CNTNAP2: variants seen among roughly 807,000 people sequenced by gnomAD.
CNTNAP2 encodes the protein contactin associated protein 2.
In CNTNAP2, 98 loss-of-function variants were observed where a neutral mutation model predicts 155.2. That is an observed-to-expected ratio of 0.63 (90% CI 0.54 to 0.75). The LOEUF (loss-of-function observed/expected upper bound fraction) is 0.75, where lower values mean the gene tolerates loss of function less well. Among genes scored for constraint, CNTNAP2 ranks in the 30% least tolerant of loss-of-function variants. The pLI is 0.00. For missense variants in CNTNAP2, 1,727 were observed against 1,688.1 expected (o/e 1.02, Z -0.40); for synonymous variants, 651 against 631.2 (o/e 1.03, Z -0.47).
intron 1 of CNTNAP2, among the ~76,000 whole-genome samples, chr7:146,700,117 C>T (rs1800850360): frequency 6.6e-6 from 1 of 152,102 alleles, no homozygotes; most frequent in Admixed American, 6.6e-5. Flanking sequence ...AAGAGTGTAG[C>T]CCCTTCCAAG....
intron 10 of CNTNAP2, among the ~76,000 whole-genome samples, chr7:147,439,037 C>G (rs182771901): frequency 2.0e-5 from 3 of 152,056 alleles, no homozygotes; most frequent in Admixed American, 2.0e-4. Flanking sequence ...AAAAAACCAA[C>G]TTTTTATTTC....
intron 8 of CNTNAP2, among the ~76,000 whole-genome samples, chr7:147,279,928 G>A (rs905828728): frequency 3.3e-5 from 5 of 151,794 alleles, no homozygotes; most frequent in Non-Finnish European, 7.4e-5. Flanking sequence ...ATAGGTGGAC[G>A]GCCTAAATAA....
At chr7:146,167,952 T>C (rs1584783685) in intron 1 of CNTNAP2, among the ~76,000 whole-genome samples, 1 of 152,140 alleles carries the variant, frequency 6.6e-6, no homozygotes, top group African/African-American at 2.4e-5. Context: ...CCACTGGTGT[T>C]TCAGTCCAAG....
chr7:147,786,563 G>C (rs1400131886), intron 13 of CNTNAP2, among the ~76,000 whole-genome samples: 1 of 152,198 alleles, frequency 6.6e-6, no homozygotes, highest in Non-Finnish European at 1.5e-5. Context: ...CCTTTGAAAA[G>C]CCTGCAGAGG....
intron 1 of CNTNAP2, among the ~76,000 whole-genome samples, chr7:146,281,807 ATTACT>A (rs1800256406): frequency 6.6e-6 from 1 of 151,734 alleles, no homozygotes. Context: ...AAAAAAAAAA[ATTACT>A]TAATTTCTTT....
chr7:147,128,996 G>A (rs900132268), intron 7 of CNTNAP2, among the ~76,000 whole-genome samples, 160 bp downstream of exon 7: 3 of 152,168 alleles, frequency 2.0e-5, no homozygotes, highest in Admixed American at 6.6e-5. Context: ...AATTAGTATA[G>A]ATACTTGCTA....
intron 13 of CNTNAP2, among the ~76,000 whole-genome samples, chr7:147,872,635 A>G (rs1799347634): frequency 6.6e-6 from 1 of 152,222 alleles, no homozygotes; most frequent in African/African-American, 2.4e-5. Flanking sequence ...TCACAAAATG[A>G]CATTCAAAAA....
chr7:147,592,650 T>C (rs1408533837), intron 12 of CNTNAP2, among the ~76,000 whole-genome samples: 1 of 152,178 alleles, frequency 6.6e-6, no homozygotes. Context: ...CATTTCACTG[T>C]TTAGAAAATA....
At chr7:146,184,222 T>C (rs1360026789) in intron 1 of CNTNAP2, among the ~76,000 whole-genome samples, 2 of 152,212 alleles carry the variant, frequency 1.3e-5, no homozygotes, top group Non-Finnish European at 2.9e-5. Context: ...TCTAACAGAA[T>C]GAGGTTACAT....
intron 3 of CNTNAP2, among the ~76,000 whole-genome samples, chr7:146,941,580 A>G (rs1797058171): frequency 6.6e-6 from 1 of 152,124 alleles, no homozygotes; most frequent in South Asian, 2.1e-4. Flanking sequence ...TTCTCTTACC[A>G]ATGAGTTTTA....
chr7:148,365,249 G>A (rs910179564), intron 21 of CNTNAP2, among the ~76,000 whole-genome samples: 15 of 152,170 alleles, frequency 9.9e-5, no homozygotes, highest in African/African-American at 3.4e-4. Context: ...TCATTTCAGA[G>A]CACGAGGCTT....
At chr7:147,760,629 G>A (rs1440907841) in intron 13 of CNTNAP2, among the ~76,000 whole-genome samples, 1 of 152,150 alleles carries the variant, frequency 6.6e-6, no homozygotes, top group Non-Finnish European at 1.5e-5. Context: ...CTGGCCTTCT[G>A]CTCCTTAGAA....
In CNTNAP2 at chr7:146,774,358, A is replaced by G. The variant is rs1241250071; in HGVS notation, c.185A>G (p.Tyr62Cys). 17 of 1,613,944 alleles carry G rather than the reference A, an allele frequency of 1.1e-5. No individual in the cohort carries two copies. Among genetic ancestry groups the G allele is most frequent in the Non-Finnish European group, 1.4e-5 (17 of 1,179,926 alleles). Residue 62 changes from tyrosine (Y) to cysteine (C), a missense_variant, in exon 2 of 24, where the codon TAT becomes TGT. Physicochemically the swap from Tyr to Cys is radical, Grantham distance 194. Transcript: ENST00000361727. ...SSISGSYSPG[Y>C]AKINKRGGAG... is the part of the protein sequence containing the mutation. ...ATCTCTGGTAGCTATTCTCCCGGCTATGCCAAGATAAACAAGAGAGGAGGT... is the reference window on the plus strand; with the variant it reads ...ATCTCTGGTAGCTATTCTCCCGGCTGTGCCAAGATAAACAAGAGAGGAGGT...
intron 3 of CNTNAP2, among the ~76,000 whole-genome samples, chr7:147,000,842 T>C (rs1482460569): frequency 6.6e-6 from 1 of 152,124 alleles, no homozygotes; most frequent in Non-Finnish European, 1.5e-5. Flanking sequence ...TTATTTAGAA[T>C]CCAAGGCTGC....
intron 13 of CNTNAP2, among the ~76,000 whole-genome samples, chr7:147,675,769 G>A (rs1405596875): frequency 6.6e-6 from 1 of 152,018 alleles, no homozygotes; most frequent in Non-Finnish European, 1.5e-5. Flanking sequence ...ATGTATTTTA[G>A]AGGGATTCAG....
chr7:146,633,729 C>T (rs1488194629), intron 1 of CNTNAP2, among the ~76,000 whole-genome samples: 3 of 148,438 alleles, frequency 2.0e-5, no homozygotes, highest in Admixed American at 6.8e-5. Context: ...CCTCGGGAGG[C>T]TGAGGCAGGA....
chr7:148,016,886 T>C (rs1802187227), intron 15 of CNTNAP2, among the ~76,000 whole-genome samples: 1 of 152,194 alleles, frequency 6.6e-6, no homozygotes, highest in African/African-American at 2.4e-5. Context: ...ATCTGTCAAA[T>C]TGTTCAGCTT....
chr7:147,061,094 A>G (rs1030456148), intron 4 of CNTNAP2, among the ~76,000 whole-genome samples: 6 of 137,344 alleles, frequency 4.4e-5, no homozygotes, highest in Non-Finnish European at 9.0e-5. Flanking sequence ...AGAATCAAAG[A>G]GTTGAGCGGT....
At chr7:146,723,608 C>T (rs1354504949) in intron 1 of CNTNAP2, among the ~76,000 whole-genome samples, 1 of 152,096 alleles carries the variant, frequency 6.6e-6, no homozygotes, top group Non-Finnish European at 1.5e-5. Context: ...AATGACTCAC[C>T]TGGGAAGAAC....
Sources: allele counts gnomAD v4.1 joint callset (sites outside exome capture counted in the v4.1 genomes callset), GRCh38; gene constraint gnomAD v4.1.1; transcripts MANE v1.5; gene names NCBI Gene and HGNC (gene_info 2026-07-23, HGNC 2026-07-21).